Variants in NRXN3 observed in about 807,000 individuals in gnomAD.
The protein encoded by NRXN3 is neurexin III.
NRXN3 carries 32 observed loss-of-function variants against 137.6 expected under a neutral mutation model. The ratio of observed to expected loss-of-function variants is 0.23; its 90% CI spans 0.18 to 0.31. NRXN3 has a LOEUF of 0.31. Among genes scored for constraint, NRXN3 ranks in the 10% least tolerant of loss-of-function variants. The pLI is 1.00. For synonymous variants in NRXN3, 798 were observed against 784.5 expected, an observed-to-expected ratio of 1.02 and a Z score of -0.29; for missense variants, 1,574 against 2,062.5, an observed-to-expected ratio of 0.76 and a Z score of 4.59.
chr14:78,367,378 T>C (rs1252636833), intron 4 of NRXN3, among the ~76,000 whole-genome samples: 1 of 151,902 alleles, frequency 6.6e-6, no homozygotes, highest in Non-Finnish European at 1.5e-5. Context: ...TGAGCTAAAT[T>C]AAAAAATCAA....
In NRXN3 at chr14:79,105,907, C is replaced by T. The variant is rs1225996687; in HGVS notation, c.3262+117766C>T. Among the ~76,000 whole-genome samples the T allele has an allele frequency of 2.6e-5, 4 of 151,990 alleles. 1 individual carries two copies. In the South Asian group the frequency reaches 8.3e-4, roughly 32 times the overall value. On this transcript the variant is annotated intron_variant, in intron 15 of 20. Coordinates refer to ENST00000335750, the MANE Select transcript of NRXN3 (RefSeq NM_001330195.2). ...GTCTAGCTTTTCTTTCTTCTCTTAT[C>T]GTTATGATTATTATTACTACTACTA...
At chr14:79,499,623 C>A (rs1304607841) in intron 16 of NRXN3, among the ~76,000 whole-genome samples, 1 of 152,150 alleles carries the variant, frequency 6.6e-6, no homozygotes, top group Non-Finnish European at 1.5e-5. Flanking sequence ...GTGCCTGGCT[C>A]ATAGTGAACC....
intron 4 of NRXN3, among the ~76,000 whole-genome samples, chr14:78,474,593 G>T (rs929390875): frequency 1.3e-5 from 2 of 152,014 alleles, no homozygotes; most frequent in Non-Finnish European, 2.9e-5. Context: ...CTTGGTCTCA[G>T]AACACCAACT....
At chr14:78,837,593 G>A (rs759966335) in intron 10 of NRXN3, among the ~76,000 whole-genome samples, 3 of 151,996 alleles carry the variant, frequency 2.0e-5, no homozygotes, top group Non-Finnish European at 4.4e-5. Context: ...TGTCCTTTGA[G>A]AAATACTTGT....
intron 16 of NRXN3, among the ~76,000 whole-genome samples, chr14:79,609,946 C>A (rs2098078400): frequency 6.6e-6 from 1 of 151,086 alleles, no homozygotes; most frequent in South Asian, 2.1e-4. Context: ...TGGGGCCTGT[C>A]TGGGGGTAGG....
chr14:79,002,409 C>T (rs1207975624), intron 15 of NRXN3, among the ~76,000 whole-genome samples: 1 of 152,106 alleles, frequency 6.6e-6, no homozygotes, highest in Non-Finnish European at 1.5e-5. Context: ...TGTTGTTCCT[C>T]TCCCTGTGTC....
chr14:79,021,822 A>T (rs913068253), intron 15 of NRXN3, among the ~76,000 whole-genome samples: 1 of 152,246 alleles, frequency 6.6e-6, no homozygotes, highest in Non-Finnish European at 1.5e-5. Flanking sequence ...AATCTATGGC[A>T]TACAATGAGT....
At chr14:78,326,690 AG>A (rs2080132029) in intron 4 of NRXN3, among the ~76,000 whole-genome samples, 1 of 152,334 alleles carries the variant, frequency 6.6e-6, no homozygotes, top group African/African-American at 2.4e-5. Flanking sequence ...ATGGAGGTTG[AG>A]GCAAAATTCG....
intron 15 of NRXN3, among the ~76,000 whole-genome samples, chr14:79,369,003 C>T (rs1308701116): frequency 6.6e-6 from 1 of 152,140 alleles, no homozygotes; most frequent in Non-Finnish European, 1.5e-5. Context: ...ATACCTTTCA[C>T]CACTGGATAA....
chr14:78,747,864 A>G (rs893719438), intron 8 of NRXN3, among the ~76,000 whole-genome samples: 7 of 152,054 alleles, frequency 4.6e-5, no homozygotes, highest in African/African-American at 1.2e-4. Flanking sequence ...TCTTCTCCCT[A>G]TGCCTTGATC....
chr14:78,283,947 A>G (rs966914193), intron 3 of NRXN3, among the ~76,000 whole-genome samples: 1 of 152,216 alleles, frequency 6.6e-6, no homozygotes, highest in Non-Finnish European at 1.5e-5. Context: ...ACTGTGACCT[A>G]TTCAAGTTAC....
intron 15 of NRXN3, among the ~76,000 whole-genome samples, chr14:79,465,696 T>C (rs1308656909): frequency 6.6e-6 from 1 of 152,230 alleles, no homozygotes; most frequent in Non-Finnish European, 1.5e-5. Context: ...GGACCAGTGC[T>C]TGAGATTTTT....
intron 19 of NRXN3, among the ~76,000 whole-genome samples, chr14:79,751,384 G>C (rs1459138696): frequency 8.6e-5 from 13 of 151,438 alleles, no homozygotes; most frequent in African/African-American, 2.9e-4. Flanking sequence ...TCTGTTGTTG[G>C]TGTATAAGAA....
intron 20 of NRXN3, among the ~76,000 whole-genome samples, chr14:79,826,719 C>T (rs1196794159): frequency 6.6e-6 from 1 of 152,168 alleles, no homozygotes; most frequent in African/African-American, 2.4e-5. Context: ...TTTTCCCAGT[C>T]TGTGATCCAA....
chr14:78,928,302 G>A (rs528693962), intron 10 of NRXN3, among the ~76,000 whole-genome samples: 8 of 150,250 alleles, frequency 5.3e-5, no homozygotes, highest in African/African-American at 7.5e-5. Context: ...TTACTTACAG[G>A]GATTTTTTTT....
intron 15 of NRXN3, among the ~76,000 whole-genome samples, chr14:79,256,100 C>G (rs1018451726): frequency 7.9e-5 from 12 of 151,994 alleles, no homozygotes; most frequent in African/African-American, 2.4e-4. Context: ...CCTCCTCTCT[C>G]TCTCTGTCTC....
intron 6 of NRXN3, among the ~76,000 whole-genome samples, chr14:78,668,925 T>TATCC (rs1206358943): frequency 1.1e-4 from 16 of 147,108 alleles, no homozygotes; most frequent in African/African-American, 4.3e-4. Context: ...AAACTCTATC[T>TATCC]ATCTATCTGT....
At chr14:79,346,847 C>T (rs1431443035) in intron 15 of NRXN3, among the ~76,000 whole-genome samples, 1 of 152,158 alleles carries the variant, frequency 6.6e-6, no homozygotes, top group Non-Finnish European at 1.5e-5. Context: ...TATGTCTTCC[C>T]CAACTTCAAG....
intron 16 of NRXN3, among the ~76,000 whole-genome samples, chr14:79,605,936 G>A (rs1326246567): frequency 5.3e-5 from 8 of 152,188 alleles, no homozygotes; most frequent in Non-Finnish European, 1.0e-4. Flanking sequence ...AAGGATGCAC[G>A]CTGTCAAGTT....
Sources: gnomAD v4.1 joint callset for allele counts (sites outside exome capture counted in the v4.1 genomes callset) on GRCh38, gnomAD v4.1.1 for gene constraint, MANE v1.5 for transcripts, NCBI Gene and HGNC (gene_info 2026-07-23, HGNC 2026-07-21) for gene names.